SUGP2: variants seen among roughly 807,000 people sequenced by gnomAD.
The protein encoded by SUGP2 is SURP and G-patch domain containing 2.
A neutral mutation model predicts 90.5 loss-of-function variants in SUGP2; 24 were observed. The ratio of observed to expected loss-of-function variants is 0.27; its 90% CI spans 0.19 to 0.37. SUGP2 has a LOEUF of 0.37. Among genes scored for constraint, SUGP2 ranks in the 10% least tolerant of loss-of-function variants. SUGP2 has a pLI of 1.00. For synonymous variants in SUGP2, 473 were observed against 513.4 expected, an observed-to-expected ratio of 0.92 and a Z score of 1.06; for missense variants, 1,233 against 1,363.3, an observed-to-expected ratio of 0.90 and a Z score of 1.51.
At chr19:18,997,994 G>T (rs924537166) in intron 8 of SUGP2, among the ~76,000 whole-genome samples, 1 of 152,048 alleles carries the variant, frequency 6.6e-6, no homozygotes, top group African/African-American at 2.4e-5. Flanking sequence ...TCATTAACCA[G>T]AGTTGAAAAC....
chr19:19,016,912 C>G (rs1165381768), intron 4 of SUGP2, among the ~76,000 whole-genome samples: 1 of 152,172 alleles, frequency 6.6e-6, no homozygotes, highest in Non-Finnish European at 1.5e-5. Context: ...CTACCTCATT[C>G]AATACATGAA....
At chr19:18,994,077 C>A (rs1166204152) in intron 10 of SUGP2, 1 of 285,782 alleles carries the variant, frequency 3.5e-6, no homozygotes, top group Non-Finnish European at 6.6e-6. Flanking sequence ...CGCACATCCA[C>A]GGAGGCTGGC....
chr19:19,033,534 G>A (rs746491326), upstream of SUGP2: 7 of 1,387,678 alleles, frequency 5.0e-6, no homozygotes, highest in East Asian at 6.9e-5. Flanking sequence ...ATGAACCAAC[G>A]GTCTCCGCAG....
At chr19:19,009,564 ACCG>A (rs2058220501) in intron 5 of SUGP2, among the ~76,000 whole-genome samples, 1 of 152,112 alleles carries the variant, frequency 6.6e-6, no homozygotes, top group Non-Finnish European at 1.5e-5. Context: ...CAGGCAATGC[ACCG>A]CCCACGGCCC....
At chr19:19,033,039 T>C (rs1363701495) in intron 1 of SUGP2, 2 of 152,912 alleles carry the variant, frequency 1.3e-5, no homozygotes, top group Non-Finnish European at 2.9e-5. Context: ...TGTGCTTCCG[T>C]TTCCCCACCT....
chr19:18,998,592 ATG>A (rs142034359), intron 8 of SUGP2, among the ~76,000 whole-genome samples: 3,096 of 151,756 alleles, frequency 0.02, 98 homozygotes, highest in African/African-American at 0.066. Context: ...GTGTGTATGC[ATG>A]TGTGTGTGCG....
intron 8 of SUGP2, among the ~76,000 whole-genome samples, chr19:18,995,870 G>C (rs139836522): frequency 6.6e-6 from 1 of 152,310 alleles, no homozygotes; most frequent in East Asian, 1.9e-4. Context: ...CTGAGAGCTA[G>C]TACAGCTGTT....
chr19:18,995,966 T>C (rs1208668681), intron 8 of SUGP2, among the ~76,000 whole-genome samples: 1 of 151,796 alleles, frequency 6.6e-6, no homozygotes, highest in Non-Finnish European at 1.5e-5. Flanking sequence ...CTGGGGCCTC[T>C]GGAGGAGGAG....
At chr19:19,026,561 C>G (rs1206263536) in intron 2 of SUGP2, among the ~76,000 whole-genome samples, 1 of 152,174 alleles carries the variant, frequency 6.6e-6, no homozygotes, top group African/African-American at 2.4e-5. Context: ...TCATTCAGAT[C>G]CCCCTACTCT....
Position 19,004,438 on chromosome 19 carries a change from T to G in SUGP2, c.2659A>C (p.Ser887Arg), listed in dbSNP as rs779469424. 5 of 1,614,038 alleles carry G rather than the reference T, an allele frequency of 3.1e-6. No individual in the cohort carries two copies. In the East Asian group the frequency reaches 1.1e-4, roughly 36 times the overall value. The change falls in exon 7 of 11, where the codon AGC becomes CGC. Residue 887 changes from serine to arginine, a missense_variant. Transcript: ENST00000452918. ...TCCTCCTCAGGCATCACCTCTGGGC[T>G]CTCCAGCTCAGCCTCCCGCGGAGGG... ...EPPPREAELE[S>R]PEVMPEEEDE...
At chr19:19,030,050 C>T (rs1295728137) in intron 2 of SUGP2, among the ~76,000 whole-genome samples, 3 of 152,008 alleles carry the variant, frequency 2.0e-5, no homozygotes, top group Non-Finnish European at 4.4e-5. Flanking sequence ...AGCAGTGGCT[C>T]ACGCCTGTAA....
At chr19:19,015,019 G>A (rs529290453) in intron 4 of SUGP2, among the ~76,000 whole-genome samples, 1 of 151,940 alleles carries the variant, frequency 6.6e-6, no homozygotes, top group South Asian at 2.1e-4. Context: ...GGCTAACATG[G>A]TGAAATCCCG....
At position 19,009,923 on chromosome 19, in the gene SUGP2, G is replaced by C; in HGVS notation, c.2270C>G (p.Ser757Cys). The C allele has an allele frequency of 6.2e-7, 1 of 1,614,204 alleles. No homozygotes were observed. ...QDPSLEASGP[S>C]PKPAGVDISE... ...GATGTCCACTCCTGCTGGCTTGGGG[G>C]ATGGGCCTGAGGCTTCTAAGCTGGG... The change falls in exon 5 of 11, where the codon TCC becomes TGC. Residue 757 changes from serine (S) to cysteine (C), a missense_variant. This residue lies in a region of SUGP2 where 540 missense variants were observed against 542.6 expected (regional missense o/e 1.00). Coordinates refer to ENST00000452918, the MANE Select transcript of SUGP2 (RefSeq NM_001017392.5).
chr19:18,999,415 A>C (rs1283723041), intron 8 of SUGP2, among the ~76,000 whole-genome samples: 1 of 151,966 alleles, frequency 6.6e-6, no homozygotes, highest in East Asian at 1.9e-4. Context: ...TTACAGACAA[A>C]TCCGTGGCTC....
At chr19:19,015,477 T>G (rs1281269931) in intron 4 of SUGP2, among the ~76,000 whole-genome samples, 1 of 152,198 alleles carries the variant, frequency 6.6e-6, no homozygotes, top group Non-Finnish European at 1.5e-5. Context: ...TGTATCACAC[T>G]CTTTCCTCTT....
chr19:19,009,708 C>T (rs942012722), intron 5 of SUGP2, 147 bp downstream of exon 5: 84 of 1,022,506 alleles, frequency 8.2e-5, no homozygotes, highest in African/African-American at 3.4e-4. Flanking sequence ...GAGAAAGCGC[C>T]AACATGTACA....
At chr19:19,015,239 T>G (rs1218985996) in intron 4 of SUGP2, among the ~76,000 whole-genome samples, 1 of 143,820 alleles carries the variant, frequency 7.0e-6, no homozygotes, top group Non-Finnish European at 1.5e-5. Flanking sequence ...AAATAAATAA[T>G]AAAAAGAGAT....
At chr19:19,010,896 TTG>T (rs2058286812) in intron 4 of SUGP2, among the ~76,000 whole-genome samples, 1 of 152,030 alleles carries the variant, frequency 6.6e-6, no homozygotes, top group Non-Finnish European at 1.5e-5. Flanking sequence ...TCCCAGCACT[TTG>T]AGAGGCTGAG....
chr19:19,022,243 C>G (rs899369885), intron 3 of SUGP2, among the ~76,000 whole-genome samples: 1 of 152,190 alleles, frequency 6.6e-6, no homozygotes, highest in Non-Finnish European at 1.5e-5. Flanking sequence ...CTCGGCCTCC[C>G]AAAGTGCTGG....
Sources: gnomAD v4.1 joint callset for allele counts (sites outside exome capture counted in the v4.1 genomes callset) on GRCh38, gnomAD v4.1.1 for gene constraint, gnomAD v4.1.1 regional missense constraint, MANE v1.5 for transcripts, NCBI Gene and HGNC (gene_info 2026-07-23, HGNC 2026-07-21) for gene names.